The following LRP11 variants were observed in gnomAD, a reference collection of about 807,000 sequenced individuals.
LRP11 encodes low-density lipoprotein receptor-related protein 11.
In LRP11, 25 loss-of-function variants were observed where a neutral mutation model predicts 43.1. That is an observed-to-expected ratio of 0.58 (90% confidence interval 0.42 to 0.81). LRP11 has a LOEUF of 0.81. Among genes scored for constraint, LRP11 ranks in the 30% least tolerant of loss-of-function variants. LRP11 has a pLI of 0.00. For synonymous variants in LRP11, 316 were observed against 299.4 expected (o/e 1.06, Z -0.57); for missense variants, 623 against 665.1 (o/e 0.94, Z 0.70).
In LRP11 at chr6:149,837,379, T is replaced by C. The variant is rs1359506131; in HGVS notation, c.998A>G (p.Gln333Arg). 3 of 1,614,150 alleles carry C rather than the reference T, an allele frequency of 1.9e-6. No individual in the cohort carries two copies. Among genetic ancestry groups the C allele is most frequent in the Middle Eastern group, 1.7e-4 (1 of 6,048 alleles). The change falls in exon 4 of 7, where the codon CAG (glutamine) becomes CGG (arginine). Residue 333 changes from glutamine to arginine, a missense_variant. Coordinates refer to ENST00000239367, the MANE Select transcript of LRP11 (RefSeq NM_032832.6). ...IDITLACDGV[Q>R]QCPDGSDEDF... is the part of the protein sequence containing the mutation. ...TTCATCAGACCCATCAGGACACTGC[T>C]GCACTCCATCGCAGGCGAGCGTGAT... is the stretch of plus-strand genomic sequence containing the variant.
chr6:149,856,976 G>A (rs776140932), intron 1 of LRP11, among the ~76,000 whole-genome samples: 6 of 152,194 alleles, frequency 3.9e-5, no homozygotes, highest in Admixed American at 1.3e-4. Flanking sequence ...AAAATTATCC[G>A]CAACCCCAAT....
chr6:149,842,406 A>T lies in LRP11; in HGVS notation c.913+577T>A, dbSNP rs1583085429. 7 of 548,480 alleles carry T rather than the reference A, an allele frequency of 1.3e-5. No individual in the cohort carries two copies. In the East Asian group the frequency reaches 2.1e-4, roughly 16 times the overall value. The allele number at this position is 548,480 out of a possible 1,614,324, so 34.0% of individuals were successfully genotyped here. On this transcript the variant is annotated intron_variant, in intron 3 of 6. Coordinates refer to ENST00000239367, the MANE Select transcript of LRP11 (RefSeq NM_032832.6). ...CTACTTGTAATCTTTTTGTGATGAC[A>T]ACATTTAAAACCTACTGTTTTAGCA...
intron 2 of LRP11, among the ~76,000 whole-genome samples, chr6:149,848,931 C>T (rs1355863851): frequency 1.3e-5 from 2 of 152,188 alleles, no homozygotes; most frequent in African/African-American, 2.4e-5. Context: ...AGAGGGCTGC[C>T]TTGCCTCTGT....
intron 3 of LRP11, among the ~76,000 whole-genome samples, chr6:149,838,112 T>C (rs1157334022): frequency 6.6e-6 from 1 of 151,722 alleles, no homozygotes; most frequent in African/African-American, 2.4e-5. Flanking sequence ...AGAGATGGGA[T>C]TTCACCTTGT....
In LRP11 at chr6:149,863,845, A is replaced by T; in HGVS notation, c.176T>A (p.Leu59Gln). Residue 59 changes from leucine to glutamine, a missense_variant, in exon 1 of 7, where the codon CTG becomes CAG. Leu to Gln is a moderately radical substitution (Grantham distance 113). Coordinates refer to ENST00000239367, the MANE Select transcript of LRP11 (RefSeq NM_032832.6). ...HAQLSGVEQLLEEFRRQLQQE... is the reference protein window; with the variant it reads ...HAQLSGVEQLQEEFRRQLQQE... ...CTGCAGTTGCCGGCGGAACTCCTCC[A>T]GCAGCTGCTCCACGCCCGACAGCTG... 6.6e-7 allele frequency: 1 copy of T among 1,511,866 alleles called. No individual in the cohort carries two copies. Among genetic ancestry groups the T allele is most frequent in the Non-Finnish European group, 8.8e-7 (1 of 1,138,728 alleles). 93.7% of individuals were successfully genotyped at this position (1,511,866 alleles called of 1,614,324 possible). A position where few individuals can be genotyped will look rare whatever the true frequency, so the allele number is the denominator to read the frequency against.
At chr6:149,858,731 G>A (rs1187741997) in intron 1 of LRP11, among the ~76,000 whole-genome samples, 1 of 152,084 alleles carries the variant, frequency 6.6e-6, no homozygotes, top group African/African-American at 2.4e-5. Flanking sequence ...TCTTAGCACT[G>A]CCCATGTGAT....
chr6:149,853,338 C>T (rs1776751738), intron 1 of LRP11, 178 bp from the exon 2 acceptor site: 1 of 569,950 alleles, frequency 1.8e-6, no homozygotes, highest in Non-Finnish European at 2.8e-6. Context: ...ATAATATGCG[C>T]AGAAGAGGCT....
chr6:149,844,900 T>C (rs1776609274), intron 2 of LRP11, among the ~76,000 whole-genome samples: 2 of 152,182 alleles, frequency 1.3e-5, no homozygotes, highest in African/African-American at 4.8e-5. Flanking sequence ...CCACTTTAGC[T>C]AAGGTATGGA....
chr6:149,832,258 C>G (rs1776417931), intron 5 of LRP11, among the ~76,000 whole-genome samples: 1 of 139,826 alleles, frequency 7.2e-6, no homozygotes, highest in Admixed American at 7.7e-5. Flanking sequence ...GTGGCGCAAT[C>G]TTGGCTCACT....
chr6:149,841,538 C>A (rs761313229), intron 3 of LRP11, among the ~76,000 whole-genome samples: 1 of 152,196 alleles, frequency 6.6e-6, no homozygotes, highest in Non-Finnish European at 1.5e-5. Context: ...GTTCCCTCTA[C>A]AATACTACAA....
chr6:149,844,899 C>CA (rs1776609234), intron 2 of LRP11, among the ~76,000 whole-genome samples: 1 of 152,280 alleles, frequency 6.6e-6, no homozygotes, highest in East Asian at 1.9e-4. Context: ...GCCACTTTAG[C>CA]TAAGGTATGG....
chr6:149,860,279 C>T (rs557370839), intron 1 of LRP11, among the ~76,000 whole-genome samples: 14 of 152,140 alleles, frequency 9.2e-5, no homozygotes, highest in Non-Finnish European at 1.9e-4. Context: ...AATTCTTCCC[C>T]GAGATACTGG....
At chr6:149,846,185 G>A (rs1417109938) in intron 2 of LRP11, among the ~76,000 whole-genome samples, 1 of 152,208 alleles carries the variant, frequency 6.6e-6, no homozygotes, top group Non-Finnish European at 1.5e-5. Context: ...GCAAGGTGCA[G>A]GTGGTGAAGC....
At chr6:149,846,948 TAAAATAATAG>T (rs1237472894) in intron 2 of LRP11, among the ~76,000 whole-genome samples, 55 of 121,670 alleles carry the variant, frequency 4.5e-4, no homozygotes, top group African/African-American at 1.2e-3. Flanking sequence ...TAAAATAAAA[TAAAATAATAG>T]AATAGAATAG....
chr6:149,863,878 A>C lies in LRP11; in HGVS notation c.143T>G (p.Leu48Arg). The C allele has an allele frequency of 6.7e-7, 1 of 1,497,976 alleles. No individual in the cohort carries two copies. Among genetic ancestry groups the C allele is most frequent in the Non-Finnish European group, 8.8e-7 (1 of 1,131,838 alleles). The allele number at this position is 1,497,976 out of a possible 1,614,324, so 92.8% of individuals were successfully genotyped here. A position where few individuals can be genotyped will look rare whatever the true frequency, so the allele number is the denominator to read the frequency against. ...CTCCACGCCCGACAGCTGCGCGTGC[A>C]GTTCGGACAGCGGCGCCGCGGGCGG... ...ALPPAAPLSE[L>R]HAQLSGVEQL... Residue 48 changes from leucine (L) to arginine (R), a missense_variant, in exon 1 of 7, where the codon CTG (leucine) becomes CGG (arginine). Physicochemically the swap from Leu to Arg is moderately radical, Grantham distance 102. Coordinates refer to ENST00000239367, the MANE Select transcript of LRP11 (RefSeq NM_032832.6).
chr6:149,847,754 C>T (rs1776658865), intron 2 of LRP11, among the ~76,000 whole-genome samples: 1 of 151,728 alleles, frequency 6.6e-6, no homozygotes, highest in African/African-American at 2.4e-5. Flanking sequence ...GACTCAACCC[C>T]ATCTTCCTAG....
Position 149,853,066 on chromosome 6 carries a change from A to C in LRP11, c.708T>G (p.Asp236Glu). 1 of 1,612,660 alleles carries C rather than the reference A, an allele frequency of 6.2e-7. No individual in the cohort carries two copies. Among genetic ancestry groups the C allele is most frequent in the Non-Finnish European group, 8.5e-7 (1 of 1,179,288 alleles). Residue 236 changes from aspartate to glutamate, a missense_variant, in exon 2 of 7, where the codon GAT becomes GAG. Physicochemically the swap from Asp to Glu is conservative, Grantham distance 45. Transcript: ENST00000239367. ...ACTCATACTGGACGATGGCGTGGTC[A>C]TCTGTGCTCTCGCGGCCGTCTAGAA... The part of the protein sequence containing the change: ...GVVLDGREST[D>E]DHAIVQYEWA...
chr6:149,835,938 T>C (rs923926713), intron 5 of LRP11, 147 bp downstream of exon 5: 2 of 702,206 alleles, frequency 2.8e-6, no homozygotes, highest in Non-Finnish European at 4.8e-6. Context: ...ATGTCAAGAT[T>C]TCCCCCCGCC....
chr6:149,826,364 A>C lies in LRP11; in HGVS notation c.1253-5T>G. On this transcript the variant is annotated splice_polypyrimidine_tract_variant and splice_region_variant and intron_variant, in intron 5 of 6. Transcript: ENST00000239367. ...TCTTCCCTGAGGAACTACTATCTGC[A>C]GAAAAGAAAGAGAACATATATTGAA... The C allele has an allele frequency of 6.3e-7, 1 of 1,596,614 alleles. No homozygotes were observed. The highest frequency in any genetic ancestry group is 1.1e-5 in the South Asian group (1 of 90,676).
Sources: gnomAD v4.1 joint callset for allele counts (sites outside exome capture counted in the v4.1 genomes callset) on GRCh38, gnomAD v4.1.1 for gene constraint, MANE v1.5 for transcripts, NCBI Gene and HGNC (gene_info 2026-07-23, HGNC 2026-07-21) for gene names.